Variants in MAP4K3 observed in about 807,000 individuals in gnomAD.
MAP4K3 encodes the protein MAPK/ERK kinase kinase kinase 3.
MAP4K3 carries 94 observed loss-of-function variants against 143.5 expected under a neutral mutation model. That is an observed-to-expected ratio of 0.65 (90% CI 0.55 to 0.78). The LOEUF is 0.78. Among genes scored for constraint, MAP4K3 ranks in the 30% least tolerant of loss-of-function variants. The pLI is 0.00. For synonymous variants in MAP4K3, 416 were observed against 347.2 expected, an observed-to-expected ratio of 1.20 and a Z score of -2.20; for missense variants, 1,077 against 1,068.1, an observed-to-expected ratio of 1.01 and a Z score of -0.12.
chr2:39,313,397 A>G lies in MAP4K3; in HGVS notation c.997+1913T>C, dbSNP rs527949101. 1.4e-4 allele frequency among the ~76,000 whole-genome samples: 22 copies of G among 151,998 alleles called. No homozygotes were observed. The South Asian group carries it at 4.6e-3, about 32-fold the overall frequency. ...AACTCTTCACCCTCAAGCAGGCCCC[A>G]GTGTCTGTTGTTTCCCTTTGTGTCC... On this transcript the variant is annotated intron_variant, in intron 13 of 33. Transcript: ENST00000263881.
intron 8 of MAP4K3, among the ~76,000 whole-genome samples, chr2:39,326,623 A>C (rs961147070): frequency 3.3e-5 from 5 of 152,094 alleles, no homozygotes; most frequent in Non-Finnish European, 7.4e-5. Context: ...GAAATGTAAA[A>C]AGGACCTGCA....
chr2:39,385,551 C>CTCATAT (rs1491354478), intron 1 of MAP4K3, among the ~76,000 whole-genome samples: 6 of 111,256 alleles, frequency 5.4e-5, no homozygotes, highest in African/African-American at 2.7e-4. Context: ...GAGCGTTCTT[C>CTCATAT]ATATATATAT....
Position 39,413,738 on chromosome 2 carries a change from T to C in MAP4K3, c.96+23154A>G, listed in dbSNP as rs111833012. ...GGGGAGTCCGTTAACAACTGTCTTCTCAGAACTACCTGTAGAGTTCTTGGC... is the reference window on the plus strand; with the variant it reads ...GGGGAGTCCGTTAACAACTGTCTTCCCAGAACTACCTGTAGAGTTCTTGGC... On this transcript the variant is annotated intron_variant, in intron 1 of 33. Transcript: ENST00000263881. 3.0e-3 allele frequency among the ~76,000 whole-genome samples: 462 copies of C among 151,818 alleles called. 3 individuals carry two copies. The highest frequency in any genetic ancestry group is 0.011 in the African/African-American group (443 of 41,366).
intron 28 of MAP4K3, among the ~76,000 whole-genome samples, chr2:39,263,415 G>GGCGCCCACCATC (rs1680643311): frequency 6.7e-6 from 1 of 149,044 alleles, no homozygotes; most frequent in Non-Finnish European, 1.5e-5. Context: ...TGGGACTACA[G>GGCGCCCACCATC]GCGCCCACCA....
intron 4 of MAP4K3, 76 bp from the exon 5 acceptor site, chr2:39,337,657 T>C: frequency 1.0e-6 from 1 of 969,178 alleles, no homozygotes; most frequent in East Asian, 2.5e-5. Flanking sequence ...TTTTACAAGT[T>C]TAAGCAACAG....
At chr2:39,259,738 A>C (rs1680489115) in intron 29 of MAP4K3, among the ~76,000 whole-genome samples, 3 of 152,234 alleles carry the variant, frequency 2.0e-5, no homozygotes. Context: ...AAATATTAAA[A>C]ATATTTGAGT....
At chr2:39,279,072 G>A (rs1245391052) in intron 23 of MAP4K3, among the ~76,000 whole-genome samples, 2 of 151,968 alleles carry the variant, frequency 1.3e-5, no homozygotes, top group African/African-American at 4.8e-5. Context: ...GAGCAGGAGT[G>A]GAAATTTATT....
chr2:39,374,954 G>C (rs927932885), intron 2 of MAP4K3, among the ~76,000 whole-genome samples: 1 of 152,076 alleles, frequency 6.6e-6, no homozygotes, highest in African/African-American at 2.4e-5. Flanking sequence ...AAAAATGGAA[G>C]ACTAGCCATC....
rs546153322 is a variant in MAP4K3 at position 39,252,203 on chromosome 2, C to T, written c.2542-318G>A. ...TAGAAACTTTCATCATTTATGTTAA[C>T]GCTAATGGCAAGGTTACTGGCAGCA... On this transcript the variant is annotated intron_variant, in intron 32 of 33. Coordinates refer to ENST00000263881, the MANE Select transcript of MAP4K3 (RefSeq NM_003618.4). Among the ~76,000 whole-genome samples the T allele has an allele frequency of 2.7e-4, 41 of 152,286 alleles. 1 individual carries two copies. In the Middle Eastern group the frequency reaches 0.01, roughly 38 times the overall value.
At chr2:39,401,466 G>A (rs1354506751) in intron 1 of MAP4K3, among the ~76,000 whole-genome samples, 1 of 152,134 alleles carries the variant, frequency 6.6e-6, no homozygotes, top group Non-Finnish European at 1.5e-5. Flanking sequence ...TTAGCTGTAG[G>A]CTACCAGCTG....
At chr2:39,363,668 C>CAAAAAAA (rs34083007) in intron 2 of MAP4K3, among the ~76,000 whole-genome samples, 2 of 83,742 alleles carry the variant, frequency 2.4e-5, no homozygotes, top group African/African-American at 4.8e-5. Flanking sequence ...GACTCTGTCT[C>CAAAAAAA]AAAAAAAAAA....
intron 2 of MAP4K3, among the ~76,000 whole-genome samples, chr2:39,361,727 TTAA>T (rs1346584296): frequency 2.0e-5 from 3 of 150,918 alleles, no homozygotes; most frequent in Non-Finnish European, 4.4e-5. Flanking sequence ...AATATTTAAT[TTAA>T]TATTATTAAA....
At chr2:39,269,092 T>G (rs1007514179) in intron 26 of MAP4K3, among the ~76,000 whole-genome samples, 1 of 141,486 alleles carries the variant, frequency 7.1e-6, no homozygotes, top group South Asian at 2.3e-4. Context: ...ATTAGATAGA[T>G]GCCAGTGCTC....
chr2:39,356,519 G>A (rs1213990489), intron 2 of MAP4K3, among the ~76,000 whole-genome samples, 180 bp from the exon 3 acceptor site: 1 of 152,172 alleles, frequency 6.6e-6, no homozygotes, highest in Non-Finnish European at 1.5e-5. Context: ...GTCCTGACTT[G>A]AGAGAAAATA....
intron 3 of MAP4K3, among the ~76,000 whole-genome samples, chr2:39,347,834 T>A (rs1665340336): frequency 6.6e-6 from 1 of 152,062 alleles, no homozygotes; most frequent in African/African-American, 2.4e-5. Context: ...TTATAAGTGG[T>A]CATTAATTAT....
intron 1 of MAP4K3, among the ~76,000 whole-genome samples, chr2:39,389,529 TC>T (rs1486772120): frequency 6.6e-6 from 1 of 151,924 alleles, no homozygotes; most frequent in African/African-American, 2.4e-5. Flanking sequence ...AAAGAAGTGA[TC>T]TTTAAAAGCA....
intron 26 of MAP4K3, among the ~76,000 whole-genome samples, chr2:39,267,840 G>A (rs969534805): frequency 6.6e-6 from 1 of 152,120 alleles, no homozygotes; most frequent in Non-Finnish European, 1.5e-5. Context: ...AATCATACAG[G>A]AAAATGCTGT....
At chr2:39,252,012 G>A in intron 32 of MAP4K3, 127 bp from the exon 33 acceptor site, 2 of 671,284 alleles carry the variant, frequency 3.0e-6, no homozygotes, top group South Asian at 1.7e-5. Flanking sequence ...CTGCATGACT[G>A]TTTGTTAAAG....
Position 39,258,369 on chromosome 2 carries a change from C to A in MAP4K3, c.2449G>T (p.Asp817Tyr). Residue 817 changes from aspartate to tyrosine, a missense_variant, in exon 31 of 34, where the codon GAT becomes TAT. Transcript: ENST00000263881. Reference sequence around the variant, plus strand: ...TTACCTATTGATTCAATCTGGAAATCAAAGGTGAGTTCTGATGACAATTTC... The same window carrying A: ...TTACCTATTGATTCAATCTGGAAATAAAAGGTGAGTTCTGATGACAATTTC... Reference protein sequence around the residue: ...SRKLSSELTFDFQIESIVCLQ... With the variant: ...SRKLSSELTFYFQIESIVCLQ... 6.2e-7 allele frequency: 1 copy of A among 1,605,656 alleles called. No homozygotes were observed. Among genetic ancestry groups the A allele is most frequent in the South Asian group, 1.1e-5 (1 of 89,988 alleles).
Sources: allele counts gnomAD v4.1 joint callset (sites outside exome capture counted in the v4.1 genomes callset), GRCh38; gene constraint gnomAD v4.1.1; transcripts MANE v1.5; gene names NCBI Gene and HGNC (gene_info 2026-07-23, HGNC 2026-07-21).